Variants in DDX31 observed in about 807,000 individuals in gnomAD.
The protein encoded by DDX31 is DEAD-box helicase 31, also known as ATP-dependent DNA helicase DDX31.
A neutral mutation model predicts 91.3 loss-of-function variants in DDX31; 70 were observed. That is an observed-to-expected ratio of 0.77 (90% confidence interval 0.63 to 0.94). DDX31 has a LOEUF of 0.94. Ranked by LOEUF, DDX31 falls within the 40% of genes least tolerant of loss-of-function variation. The pLI, the probability that DDX31 is intolerant of heterozygous loss-of-function variation, is 0.00. For missense variants in DDX31, 902 were observed against 925.0 expected (o/e 0.98, Z 0.32); for synonymous variants, 362 against 350.6 (o/e 1.03, Z -0.36).
intron 11 of DDX31, 69 bp from the exon 12 acceptor site, chr9:132,647,127 C>T (rs1590068984): frequency 1.5e-5 from 21 of 1,411,638 alleles, no homozygotes; most frequent in Non-Finnish European, 2.1e-5. Flanking sequence ...AAAGCGTACC[C>T]CCATACAGCA....
Position 132,646,984 on chromosome 9 carries a change from A to G in DDX31, c.1042T>C (p.Leu348=), listed in dbSNP as rs1366420475. The change falls in exon 12 of 20, where the codon TTG becomes CTG. Residue 348 remains leucine (L), a synonymous_variant. Transcript: ENST00000372159. ...ISVLDKSHDQ[L]NPKDKAVQEV... is the part of the protein sequence containing the mutation. ...TGGACCGCTTTGTCCTTTGGGTTCA[A>G]CTGGTCATGGCTCTTGTCCAGGACA... 3 of 1,614,230 alleles carry G rather than the reference A, an allele frequency of 1.9e-6. No homozygotes were observed. In the East Asian group the frequency reaches 6.7e-5, roughly 36 times the overall value.
At chr9:132,665,803 C>G (rs1835267765) in intron 1 of DDX31, among the ~76,000 whole-genome samples, 1 of 152,116 alleles carries the variant, frequency 6.6e-6, no homozygotes, top group Non-Finnish European at 1.5e-5. Flanking sequence ...CACATGTATT[C>G]TCTCATTTAT....
chr9:132,603,909 G>C (rs978312651), intron 19 of DDX31, among the ~76,000 whole-genome samples: 1 of 152,160 alleles, frequency 6.6e-6, no homozygotes, highest in African/African-American at 2.4e-5. Flanking sequence ...GTGGGGAGGA[G>C]GGTGCGTTTG....
At chr9:132,656,238 G>A (rs1234097548) in intron 6 of DDX31, among the ~76,000 whole-genome samples, 1 of 152,086 alleles carries the variant, frequency 6.6e-6, no homozygotes, top group Non-Finnish European at 1.5e-5. Flanking sequence ...CTTTTTACAG[G>A]TCAAATCATT....
At chr9:132,657,996 T>C (rs774490452) in intron 6 of DDX31, 5 of 314,148 alleles carry the variant, frequency 1.6e-5, no homozygotes, top group Non-Finnish European at 2.9e-5. Flanking sequence ...AAGTTCAGCC[T>C]TCTTGGTCAA....
Position 132,662,692 on chromosome 9 carries a change from C to T in DDX31, c.79G>A (p.Ala27Thr). The change falls in exon 2 of 20, where the codon GCA (alanine) becomes ACA (threonine). Residue 27 changes from alanine (A) to threonine (T), a missense_variant. Ala to Thr is a moderately conservative substitution (Grantham distance 58). Transcript: ENST00000372159. Reference sequence around the variant, plus strand: ...TGGTATTTTCTTTTCGTAGCCTTTGCTTGCTGCGTTGTTCCCAGAAGGAAA... The same window carrying T: ...TGGTATTTTCTTTTCGTAGCCTTTGTTTGCTGCGTTGTTCCCAGAAGGAAA... ...RRPPAQASRQAKATKRKYQAS... is the reference protein window; with the variant it reads ...RRPPAQASRQTKATKRKYQAS... 6.2e-7 allele frequency: 1 copy of T among 1,614,012 alleles called. No homozygotes were observed.
At position 132,642,004 on chromosome 9, in the gene DDX31, C is replaced by T. The variant is rs759395170; in HGVS notation, c.1440G>A (p.Thr480=). 12 of 1,613,708 alleles carry T rather than the reference C, an allele frequency of 7.4e-6. No homozygotes were observed. In the Admixed American group the frequency reaches 1.7e-4, roughly 22 times the overall value. The change falls in exon 14 of 20, where the codon ACG becomes ACA. Residue 480 remains threonine (T), a splice_region_variant and synonymous_variant. Transcript: ENST00000372159. ...ACATGGAACACAGGAGGATACGTACCGTGCAAAGAAGGACGCCTCTTCTGG... is the reference window on the plus strand; with the variant it reads ...ACATGGAACACAGGAGGATACGTACTGTGCAAAGAAGGACGCCTCTTCTGG... ...SHSRRGVLLC[T]DVAARGLDLP...
intron 6 of DDX31, among the ~76,000 whole-genome samples, chr9:132,654,979 A>G (rs1205105184): frequency 6.6e-6 from 1 of 151,692 alleles, no homozygotes; most frequent in African/African-American, 2.4e-5. Flanking sequence ...AAGAAGAAAC[A>G]TAAAGCAGCT....
intron 9 of DDX31, among the ~76,000 whole-genome samples, chr9:132,649,692 T>C (rs10512415): frequency 0.084 from 12,835 of 152,314 alleles, 717 homozygotes; most frequent in Admixed American, 0.16. Context: ...ACATGCATCA[T>C]TATTGAGTAC....
intron 19 of DDX31, among the ~76,000 whole-genome samples, chr9:132,601,587 C>T (rs769371723): frequency 6.6e-6 from 1 of 152,216 alleles, no homozygotes; most frequent in South Asian, 2.1e-4. Context: ...CACTAACAGA[C>T]GTGATTGCCC....
At position 132,595,188 on chromosome 9, in the gene DDX31, A is replaced by G; in HGVS notation, c.1995-76T>C. On this transcript the variant is annotated intron_variant, in intron 19 of 19. Transcript: ENST00000372159. The surrounding 1 kb of genome is among the most constrained non-coding windows in gnomAD (Gnocchi z 4.6). ...TCCCATTTGGAAAGAGGCTGATAGC[A>G]GCTGGTTCTGAGACTGTGAAGCTGA... 1 of 1,544,534 alleles carries G rather than the reference A, an allele frequency of 6.5e-7. No homozygotes were observed. Among genetic ancestry groups the G allele is most frequent in the Non-Finnish European group, 8.7e-7 (1 of 1,144,894 alleles).
chr9:132,641,891 G>T, intron 14 of DDX31, 113 bp downstream of exon 14: 1 of 1,062,854 alleles, frequency 9.4e-7, no homozygotes, highest in Non-Finnish European at 1.4e-6. Context: ...GGGGCCCCTA[G>T]TGTTCCTGGG....
At chr9:132,625,078 C>T (rs1832313928) in intron 17 of DDX31, among the ~76,000 whole-genome samples, 1 of 151,840 alleles carries the variant, frequency 6.6e-6, no homozygotes, top group Non-Finnish European at 1.5e-5. Flanking sequence ...GAATAATGGT[C>T]TAGTCGGGTG....
chr9:132,647,651 G>A (rs998945832), intron 11 of DDX31, among the ~76,000 whole-genome samples: 1 of 152,178 alleles, frequency 6.6e-6, no homozygotes, highest in Admixed American at 6.5e-5. Flanking sequence ...GCTGGTCAAT[G>A]ACTCACTGTG....
At chr9:132,645,599 G>A (rs1833780116) in intron 13 of DDX31, among the ~76,000 whole-genome samples, 1 of 152,172 alleles carries the variant, frequency 6.6e-6, no homozygotes, top group Non-Finnish European at 1.5e-5. Flanking sequence ...ACAGCTGGTT[G>A]AGGTAGATTC....
At chr9:132,652,121 C>T (rs1212673893) in intron 7 of DDX31, among the ~76,000 whole-genome samples, 1 of 152,102 alleles carries the variant, frequency 6.6e-6, no homozygotes, top group African/African-American at 2.4e-5. Context: ...TCAGAGCCAA[C>T]TGCTTTTGGT....
intron 18 of DDX31, among the ~76,000 whole-genome samples, chr9:132,613,120 G>A (rs1474035279): frequency 6.6e-6 from 1 of 152,050 alleles, no homozygotes; most frequent in Non-Finnish European, 1.5e-5. Context: ...GACCTCAGGT[G>A]GTCCTCCCGC....
At chr9:132,626,213 C>A (rs1832381574) in intron 16 of DDX31, among the ~76,000 whole-genome samples, 1 of 152,012 alleles carries the variant, frequency 6.6e-6, no homozygotes, top group Admixed American at 6.5e-5. Flanking sequence ...GTGAGGGTAA[C>A]GAGGGCACAA....
In DDX31 at chr9:132,612,102, T is replaced by C; in HGVS notation, c.1979A>G (p.Lys660Arg). 6.2e-7 allele frequency: 1 copy of C among 1,613,970 alleles called. No homozygotes were observed. Residue 660 changes from lysine (K) to arginine (R), a missense_variant, in exon 19 of 20, where the codon AAA becomes AGA. By Grantham distance (26) the Lys-to-Arg change is conservative. Coordinates refer to ENST00000372159, the MANE Select transcript of DDX31 (RefSeq NM_022779.9). ...NLSALTRKKR[K>R]AHVKRPDLHK... ...CTCATCTTACCTTTTCACGTGTGCT[T>C]TCCTCTTCTTTCTAGTCAAGGCACT...
Sources: gnomAD v4.1 joint callset for allele counts (sites outside exome capture counted in the v4.1 genomes callset) on GRCh38, gnomAD v4.1.1 for gene constraint, Gnocchi (gnomAD v3.1) non-coding constraint, MANE v1.5 for transcripts, NCBI Gene and HGNC (gene_info 2026-07-23, HGNC 2026-07-21) for gene names.